Variants in DCHS2 observed in about 807,000 individuals in gnomAD.
The protein encoded by DCHS2 is dachsous cadherin-related 2.
In DCHS2, 142 loss-of-function variants were observed where a neutral mutation model predicts 182.4. The ratio of observed to expected loss-of-function variants is 0.78; its 90% confidence interval spans 0.68 to 0.89. The LOEUF (loss-of-function observed/expected upper bound fraction) is 0.89, where lower values mean the gene tolerates loss of function less well. Ranked by LOEUF, DCHS2 falls within the 40% of genes least tolerant of loss-of-function variation. The pLI, the probability that DCHS2 is intolerant of heterozygous loss-of-function variation, is 0.00. For missense variants in DCHS2, 4,319 were observed against 4,198.6 expected (o/e 1.03, Z -0.79); for synonymous variants, 1,740 against 1,663.3 (o/e 1.05, Z -1.12).
chr4:154,431,930 G>A (rs1258449456), intron 1 of DCHS2, among the ~76,000 whole-genome samples: 1 of 152,098 alleles, frequency 6.6e-6, no homozygotes, highest in Non-Finnish European at 1.5e-5. Context: ...AGAGAGGAAG[G>A]TGTTCATTTG....
chr4:154,469,775 T>G, intron 1 of DCHS2, among the ~76,000 whole-genome samples: 1 of 152,174 alleles, frequency 6.6e-6, no homozygotes, highest in East Asian at 1.9e-4. Context: ...TTCTCCCAGG[T>G]AGTATTAGCA....
intron 14 of DCHS2, among the ~76,000 whole-genome samples, chr4:154,262,769 C>G (rs564133033): frequency 1.3e-5 from 2 of 152,322 alleles, no homozygotes; most frequent in South Asian, 4.1e-4. Flanking sequence ...CAAACCGTCT[C>G]CTACTTAAAC....
chr4:154,476,062 T>C (rs1302750276), intron 1 of DCHS2, among the ~76,000 whole-genome samples: 1 of 152,236 alleles, frequency 6.6e-6, no homozygotes, highest in East Asian at 1.9e-4. Flanking sequence ...ATATCTACTA[T>C]AATTGTCTTT....
intron 14 of DCHS2, among the ~76,000 whole-genome samples, chr4:154,266,855 T>C (rs1308102929): frequency 6.6e-6 from 1 of 152,186 alleles, no homozygotes; most frequent in Non-Finnish European, 1.5e-5. Context: ...TCTGCTTTAG[T>C]TTCTTCTTTG....
intron 15 of DCHS2, among the ~76,000 whole-genome samples, chr4:154,257,748 A>G (rs568059721): frequency 2.8e-4 from 43 of 152,312 alleles, no homozygotes; most frequent in South Asian, 1.0e-3. Context: ...TTTTCTGAAC[A>G]GGACACAGCA....
intron 1 of DCHS2, among the ~76,000 whole-genome samples, chr4:154,401,838 C>CA (rs1385532225): frequency 6.6e-6 from 1 of 152,090 alleles, no homozygotes; most frequent in Non-Finnish European, 1.5e-5. Flanking sequence ...ATTAAAAATA[C>CA]AAAAAATTAT....
chr4:154,364,098 T>C (rs932952361), intron 3 of DCHS2, among the ~76,000 whole-genome samples: 2 of 152,208 alleles, frequency 1.3e-5, no homozygotes, highest in African/African-American at 2.4e-5. Context: ...CCCAAGGCTA[T>C]TTCCATATAA....
chr4:154,423,461 A>G (rs1733194028), intron 1 of DCHS2, among the ~76,000 whole-genome samples: 1 of 152,222 alleles, frequency 6.6e-6, no homozygotes, highest in African/African-American at 2.4e-5. Context: ...TGTAAGTCCT[A>G]CAAAACCAGA....
Position 154,325,367 on chromosome 4 carries a change from C to A in DCHS2, c.4018+2726G>T, listed in dbSNP as rs79292567. ...TGTGTGTGTGTGTGTGTGTATTTTC[C>A]CTCTTCACAATCATTGTCCTTCACA... On this transcript the variant is annotated intron_variant, in intron 7 of 19. Coordinates refer to ENST00000357232, the MANE Select transcript of DCHS2 (RefSeq NM_001358235.2). 2.7e-4 allele frequency among the ~76,000 whole-genome samples: 34 copies of A among 125,632 alleles called. No individual in the cohort carries two copies. The East Asian group carries it at 4.7e-3, about 18-fold the overall frequency. 82.4% of individuals were successfully genotyped at this position (125,632 alleles called of 152,430 possible).
intron 6 of DCHS2, among the ~76,000 whole-genome samples, chr4:154,328,503 A>G (rs192055737): frequency 6.6e-6 from 1 of 152,320 alleles, no homozygotes; most frequent in Non-Finnish European, 1.5e-5. Context: ...GATTTCTAGC[A>G]TATTCTCATT....
intron 3 of DCHS2, among the ~76,000 whole-genome samples, chr4:154,340,930 G>A (rs1729034079): frequency 6.6e-6 from 1 of 152,206 alleles, no homozygotes; most frequent in Admixed American, 6.5e-5. Context: ...TATGTAAACA[G>A]TGAAACATCA....
intron 1 of DCHS2, 27 bp from the exon 2 acceptor site, chr4:154,377,471 G>A: frequency 6.4e-7 from 1 of 1,574,602 alleles, no homozygotes; most frequent in Non-Finnish European, 8.7e-7. Flanking sequence ...TGATCAGGAG[G>A]AAACAGAAAT....
intron 1 of DCHS2, among the ~76,000 whole-genome samples, chr4:154,452,625 A>AAAACAAAC (rs529334859): frequency 6.7e-6 from 1 of 148,616 alleles, no homozygotes; most frequent in African/African-American, 2.4e-5. Context: ...CTCCATCGCA[A>AAAACAAAC]AAACAAACAA....
Position 154,400,858 on chromosome 4 carries a change from A to G in DCHS2, c.2053-23414T>C, listed in dbSNP as rs1211513434. 2.6e-5 allele frequency among the ~76,000 whole-genome samples: 4 copies of G among 152,050 alleles called. No homozygotes were observed. In the East Asian group the frequency reaches 7.7e-4, roughly 29 times the overall value. On this transcript the variant is annotated intron_variant, in intron 1 of 19. Transcript: ENST00000357232. ...CATGCTCCCAACTTGGGAACTGCCA[A>G]CTGCATGCAGTTCCAGAAAATTAAG... is the stretch of plus-strand genomic sequence containing the variant.
At chr4:154,442,280 C>T (rs1332924249) in intron 1 of DCHS2, among the ~76,000 whole-genome samples, 1 of 152,018 alleles carries the variant, frequency 6.6e-6, no homozygotes, top group Non-Finnish European at 1.5e-5. Context: ...CAGGGCAGAC[C>T]TTACTATCAT....
In DCHS2 at chr4:154,259,550, T is replaced by C. The variant is rs774630336; in HGVS notation, c.6784A>G (p.Ile2262Val). Residue 2262 changes from isoleucine (I) to valine (V), a missense_variant, in exon 15 of 20, where the codon ATA (isoleucine) becomes GTA (valine). Physicochemically the swap from Ile to Val is conservative, Grantham distance 29 (BLOSUM62 3). Transcript: ENST00000357232. ...SESQLYNAHV[I>V]QVFATDLDSG... ...CACAAATATATTTCTGTTACCTGTA[T>C]GACATGAGCATTGTAGAGTTGGCTT... The C allele has an allele frequency of 2.5e-6, 4 of 1,613,612 alleles. No individual in the cohort carries two copies. The Admixed American group carries it at 6.7e-5, about 27-fold the overall frequency.
At chr4:154,260,543 A>C (rs1049725138) in intron 14 of DCHS2, among the ~76,000 whole-genome samples, 4 of 152,130 alleles carry the variant, frequency 2.6e-5, no homozygotes, top group Non-Finnish European at 5.9e-5. Flanking sequence ...CCATGATCAT[A>C]ATATGCATCT....
chr4:154,400,270 T>C (rs1293643632), intron 1 of DCHS2, among the ~76,000 whole-genome samples: 3 of 120,990 alleles, frequency 2.5e-5, no homozygotes, highest in Admixed American at 1.2e-4. Flanking sequence ...GCCACTGCAC[T>C]CCAGCCTGGG....
intron 3 of DCHS2, 141 bp from the exon 4 acceptor site, chr4:154,335,245 T>A: frequency 1.5e-6 from 1 of 651,034 alleles, no homozygotes; most frequent in Non-Finnish European, 2.7e-6. Context: ...AGGCATTTGA[T>A]CAAACATTAT....
Sources: gnomAD v4.1 joint callset for allele counts (sites outside exome capture counted in the v4.1 genomes callset) on GRCh38, gnomAD v4.1.1 for gene constraint, MANE v1.5 for transcripts, NCBI Gene and HGNC (gene_info 2026-07-23, HGNC 2026-07-21) for gene names.